Variants in PRRC1 observed in about 807,000 individuals in gnomAD.
PRRC1 encodes the protein proline rich coiled-coil 1, also known as protein PRRC1.
In PRRC1, 39 loss-of-function variants were observed where a neutral mutation model predicts 40.7. That is an observed-to-expected ratio of 0.96 (90% CI 0.74 to 1.25). The LOEUF (loss-of-function observed/expected upper bound fraction) is 1.25, where lower values mean the gene tolerates loss of function less well. PRRC1 is among the 50% of genes most tolerant of loss of function. The pLI is 0.00. For missense variants in PRRC1, 573 were observed against 548.3 expected (o/e 1.05, Z -0.45); for synonymous variants, 175 against 193.3 (o/e 0.91, Z 0.79).
Position 127,551,877 on chromosome 5 carries a change from G to C in PRRC1, c.1299G>C (p.Ala433=), listed in dbSNP as rs7522. The C allele has an allele frequency of 1.7e-5, 28 of 1,613,652 alleles. No homozygotes were observed. Among genetic ancestry groups the C allele is most frequent in the Non-Finnish European group, 8.5e-6 (10 of 1,179,918 alleles). Residue 433 remains alanine, a synonymous_variant, in exon 9 of 9, where the codon GCG becomes GCC. Transcript: ENST00000296666. ...TCTACAGTGCAGCCAGAGCGATAGC[G>C]GGCATGTATAAACAGCGCCTGCCAC... ...QMIYSAARAI[A]GMYKQRLPPR...
intron 5 of PRRC1, among the ~76,000 whole-genome samples, chr5:127,531,767 C>T (rs775286387): frequency 6.6e-6 from 1 of 151,442 alleles, no homozygotes; most frequent in Non-Finnish European, 1.5e-5. Context: ...GGACTACAGC[C>T]GTGTGCCACC....
Position 127,553,152 on chromosome 5 carries a change from G to A in PRRC1, c.*1236G>A. 1.0e-6 allele frequency: 1 copy of A among 974,434 alleles called. No homozygotes were observed. Among genetic ancestry groups the A allele is most frequent in the Non-Finnish European group, 1.2e-6 (1 of 820,206 alleles). The allele number at this position is 974,434 out of a possible 1,614,324, so 60.4% of individuals were successfully genotyped here. A position where few individuals can be genotyped will look rare whatever the true frequency, so the allele number is the denominator to read the frequency against. On this transcript the variant is annotated 3_prime_UTR_variant, in exon 9 of 9. Coordinates refer to ENST00000296666, the MANE Select transcript of PRRC1 (RefSeq NM_130809.5). The stretch of plus-strand genomic sequence containing the variant: ...TTTTACTCTTCTATACAGTTCTTTA[G>A]ATGTAAAAGAATTAGCACAATCTCT...
At chr5:127,548,287 A>G in intron 8 of PRRC1, 1 of 413,092 alleles carries the variant, frequency 2.4e-6, no homozygotes, top group Non-Finnish European at 4.3e-6. Context: ...TGTTATCTCC[A>G]TTTCCCTTTT....
In PRRC1 at chr5:127,530,324, G is replaced by C; in HGVS notation, c.685G>C (p.Val229Leu). 6.2e-7 allele frequency: 1 copy of C among 1,613,898 alleles called. No individual in the cohort carries two copies. Among genetic ancestry groups the C allele is most frequent in the Non-Finnish European group, 8.5e-7 (1 of 1,179,898 alleles). ...GGCTGGGAATCCTATGGTGAAGTCT[G>C]TGCTTGATAAGACAAAACATTCAGT... Reference protein sequence around the residue: ...GVAGNPMVKSVLDKTKHSVES... With the variant: ...GVAGNPMVKSLLDKTKHSVES... The change falls in exon 5 of 9, where the codon GTG (valine) becomes CTG (leucine). Residue 229 changes from valine (V) to leucine (L), a missense_variant. Coordinates refer to ENST00000296666, the MANE Select transcript of PRRC1 (RefSeq NM_130809.5).
chr5:127,532,990 GT>G (rs748484696), intron 5 of PRRC1, among the ~76,000 whole-genome samples: 7 of 151,958 alleles, frequency 4.6e-5, no homozygotes, highest in Non-Finnish European at 7.4e-5. Context: ...TACTTAGGTT[GT>G]TTAAGTAATT....
chr5:127,529,395 C>G (rs1448523944), intron 4 of PRRC1, among the ~76,000 whole-genome samples: 2 of 151,972 alleles, frequency 1.3e-5, no homozygotes, highest in African/African-American at 4.8e-5. Flanking sequence ...CATTTTGTCC[C>G]TCGTTAAGAG....
intron 6 of PRRC1, among the ~76,000 whole-genome samples, chr5:127,534,036 T>C (rs1214847212): frequency 6.6e-6 from 1 of 152,144 alleles, no homozygotes; most frequent in Non-Finnish European, 1.5e-5. Flanking sequence ...GAATAGTTAG[T>C]CCTAAAAGAG....
chr5:127,521,175 C>T (rs975416339), intron 1 of PRRC1, among the ~76,000 whole-genome samples: 2 of 152,086 alleles, frequency 1.3e-5, no homozygotes, highest in African/African-American at 4.8e-5. Flanking sequence ...AGTTTAAATT[C>T]CTAGTTCTTT....
chr5:127,529,059 T>A (rs1580933914), intron 4 of PRRC1, among the ~76,000 whole-genome samples: 1 of 152,318 alleles, frequency 6.6e-6, no homozygotes, highest in East Asian at 1.9e-4. Flanking sequence ...CATTTATAAA[T>A]GTATATCAGT....
chr5:127,539,852 A>T (rs1767993081), intron 7 of PRRC1, among the ~76,000 whole-genome samples: 2 of 152,146 alleles, frequency 1.3e-5, no homozygotes. Flanking sequence ...TAGTACACAG[A>T]TGAGCAGTTT....
At chr5:127,535,326 A>G (rs377203283) in intron 6 of PRRC1, among the ~76,000 whole-genome samples, 15 of 152,180 alleles carry the variant, frequency 9.9e-5, no homozygotes, top group South Asian at 6.2e-4. Flanking sequence ...TAGGAACACT[A>G]CAGCACTCCA....
At chr5:127,540,511 C>T (rs1401426703) in intron 7 of PRRC1, among the ~76,000 whole-genome samples, 1 of 151,948 alleles carries the variant, frequency 6.6e-6, no homozygotes, top group South Asian at 2.1e-4. Flanking sequence ...CATTTTTCTT[C>T]GAAAGGAAGC....
chr5:127,536,417 A>G (rs384191), intron 6 of PRRC1, among the ~76,000 whole-genome samples: 48,416 of 151,932 alleles, frequency 0.32, 7,977 homozygotes, highest in East Asian at 0.55. Context: ...TTACTTGAAA[A>G]ACTGGAACAA....
Position 127,524,767 on chromosome 5 carries a change from A to C in PRRC1, c.340A>C (p.Thr114Pro). Residue 114 changes from threonine to proline, a missense_variant, in exon 3 of 9, where the codon ACT becomes CCT. By Grantham distance (38) the Thr-to-Pro change is conservative. Transcript: ENST00000296666. The stretch of plus-strand genomic sequence containing the variant: ...TCCTGTATCTCACTTCCCACCTTCA[A>C]CTTCTGCCCCAAACACTCTTTTACC... Reference protein sequence around the residue: ...NPPVSHFPPSTSAPNTLLPAP... With the variant: ...NPPVSHFPPSPSAPNTLLPAP... 6.2e-7 allele frequency: 1 copy of C among 1,613,766 alleles called. No individual in the cohort carries two copies. Among genetic ancestry groups the C allele is most frequent in the Non-Finnish European group, 8.5e-7 (1 of 1,179,944 alleles).
chr5:127,523,361 A>G (rs990082996), intron 1 of PRRC1, 99 bp from the exon 2 acceptor site: 14 of 548,826 alleles, frequency 2.6e-5, no homozygotes, highest in Admixed American at 2.5e-4. Context: ...GTGGACATCT[A>G]TCTCTTGATG....
At position 127,525,072 on chromosome 5, in the gene PRRC1, G is replaced by T. The variant is rs1767582642; in HGVS notation, c.493+152G>T. 3 of 845,462 alleles carry T rather than the reference G, an allele frequency of 3.5e-6. No homozygotes were observed. In the South Asian group the frequency reaches 6.9e-5, roughly 19 times the overall value. The allele number at this position is 845,462 out of a possible 1,614,324, so 52.4% of individuals were successfully genotyped here. On this transcript the variant is annotated intron_variant, in intron 3 of 8. Coordinates refer to ENST00000296666, the MANE Select transcript of PRRC1 (RefSeq NM_130809.5). ...CATAGTTAGTTTACATCAGAATTGT[G>T]CATCCCTTGTCGCAATTTTATAACC...
Position 127,524,750 on chromosome 5 carries a change from C to G in PRRC1, c.323C>G (p.Ser108Cys). 1.2e-6 allele frequency: 2 copies of G among 1,614,192 alleles called. No individual in the cohort carries two copies. The highest frequency in any genetic ancestry group is 1.1e-5 in the South Asian group (1 of 91,078). Reference protein sequence around the residue: ...TAAAFGNPPVSHFPPSTSAPN... With the variant: ...TAAAFGNPPVCHFPPSTSAPN... ...GCTGCCTTCGGTAATCCTCCTGTATCTCACTTCCCACCTTCAACTTCTGCC... is the reference window on the plus strand; with the variant it reads ...GCTGCCTTCGGTAATCCTCCTGTATGTCACTTCCCACCTTCAACTTCTGCC... Residue 108 changes from serine to cysteine, a missense_variant, in exon 3 of 9, where the codon TCT becomes TGT. Transcript: ENST00000296666.
intron 6 of PRRC1, among the ~76,000 whole-genome samples, chr5:127,538,118 A>G (rs1489863412): frequency 1.3e-5 from 2 of 152,004 alleles, no homozygotes; most frequent in Non-Finnish European, 1.5e-5. Context: ...TATCATCTTC[A>G]TCTTTACAAG....
At position 127,524,902 on chromosome 5, in the gene PRRC1, T is replaced by C. The variant is rs1767578119; in HGVS notation, c.475T>C (p.Ser159Pro). Reference sequence around the variant, plus strand: ...CCAGACACCCCTGATGCCATCATTTTCTGCACCTTCAGGAACAGGTAATTC... The same window carrying C: ...CCAGACACCCCTGATGCCATCATTTCCTGCACCTTCAGGAACAGGTAATTC... The part of the protein sequence containing the change: ...APQTPLMPSF[S>P]APSGTGLLPT... The change falls in exon 3 of 9, where the codon TCT (serine) becomes CCT (proline). Residue 159 changes from serine to proline, a missense_variant. Coordinates refer to ENST00000296666, the MANE Select transcript of PRRC1 (RefSeq NM_130809.5). 1 of 1,605,176 alleles carries C rather than the reference T, an allele frequency of 6.2e-7. No homozygotes were observed. The highest frequency in any genetic ancestry group is 1.1e-5 in the South Asian group (1 of 90,388).
Sources: allele counts gnomAD v4.1 joint callset (sites outside exome capture counted in the v4.1 genomes callset), GRCh38; gene constraint gnomAD v4.1.1; transcripts MANE v1.5; gene names NCBI Gene and HGNC (gene_info 2026-07-23, HGNC 2026-07-21).